HPS5: variants seen among roughly 807,000 people sequenced by gnomAD.
The protein encoded by HPS5 is BLOC-2 complex member HPS5.
HPS5 carries 83 observed loss-of-function variants against 128.0 expected under a neutral mutation model. That is an observed-to-expected ratio of 0.65 (90% confidence interval 0.54 to 0.78). The LOEUF (loss-of-function observed/expected upper bound fraction) is 0.78. Among genes scored for constraint, HPS5 ranks in the 30% least tolerant of loss-of-function variants. The probability of loss-of-function intolerance (pLI) is 0.00; values close to 1 mark genes in which losing one functional copy is unlikely to be tolerated. For synonymous variants in HPS5, 475 were observed against 470.2 expected (o/e 1.01, Z -0.13); for missense variants, 1,281 against 1,326.2 (o/e 0.97, Z 0.53).
At chr11:18,293,389 G>A (rs1216863970) in intron 14 of HPS5, among the ~76,000 whole-genome samples, 1 of 152,116 alleles carries the variant, frequency 6.6e-6, no homozygotes, top group Non-Finnish European at 1.5e-5. Context: ...AGTCAGAATG[G>A]TCCCGATCTC....
rs187662199 is a variant in HPS5, at chr11:18,293,127, T to A, written c.1785-151A>T. ...ACCTCCGCCTCCCGGGTTCAAGCAA[T>A]TCTCCCTGCCTCAGCCTCAGAGCTT... On this transcript the variant is annotated intron_variant, in intron 14 of 22. Transcript: ENST00000349215. The A allele has an allele frequency of 8.5e-6, 6 of 708,272 alleles. No homozygotes were observed. The East Asian group carries it at 1.6e-4, about 19-fold the overall frequency. 43.9% of individuals were successfully genotyped at this position (708,272 alleles called of 1,614,324 possible).
At chr11:18,295,260 T>A in intron 13 of HPS5, 91 bp from the exon 14 acceptor site, 1 of 1,312,790 alleles carries the variant, frequency 7.6e-7, no homozygotes, top group Non-Finnish European at 1.1e-6. Context: ...CCCTAATAAG[T>A]CCTAGGGAGG....
At chr11:18,297,743 T>C (rs1218938245) in intron 10 of HPS5, 26 bp from the exon 11 acceptor site, 8 of 1,589,720 alleles carry the variant, frequency 5.0e-6, no homozygotes, top group Non-Finnish European at 6.9e-6. Context: ...CGCAATGGAA[T>C]AGCTATTTGT....
At chr11:18,313,108 G>A (rs1307333012) in intron 2 of HPS5, among the ~76,000 whole-genome samples, 1 of 152,098 alleles carries the variant, frequency 6.6e-6, no homozygotes, top group Non-Finnish European at 1.5e-5. Flanking sequence ...TACTGGTTAT[G>A]AAACTTTGTT....
At chr11:18,293,774 T>A (rs888788624) in intron 14 of HPS5, among the ~76,000 whole-genome samples, 1 of 152,176 alleles carries the variant, frequency 6.6e-6, no homozygotes, top group Non-Finnish European at 1.5e-5. Flanking sequence ...ATACTCTGGA[T>A]AGAAGACATA....
At chr11:18,309,496 G>C (rs2134461440) in intron 5 of HPS5, among the ~76,000 whole-genome samples, 1 of 151,784 alleles carries the variant, frequency 6.6e-6, no homozygotes, top group East Asian at 1.9e-4. Context: ...GGCAACAGAA[G>C]AAGAACCTGT....
chr11:18,318,007 C>T (rs1564988346), intron 1 of HPS5, 100 bp from the exon 2 acceptor site: 2 of 846,146 alleles, frequency 2.4e-6, no homozygotes, highest in African/African-American at 1.7e-5. Flanking sequence ...GAGAAAGTCC[C>T]CACTATACAG....
chr11:18,312,329 G>A (rs1863111200), intron 2 of HPS5, among the ~76,000 whole-genome samples: 1 of 152,246 alleles, frequency 6.6e-6, no homozygotes, highest in Admixed American at 6.5e-5. Flanking sequence ...ATTTGGCTAG[G>A]TCATTCCAAT....
chr11:18,302,699 G>A (rs1192904162), intron 8 of HPS5, among the ~76,000 whole-genome samples: 1 of 151,612 alleles, frequency 6.6e-6, no homozygotes, highest in Non-Finnish European at 1.5e-5. Context: ...TTGTCAATAT[G>A]AAAGACCAGA....
Position 18,310,943 on chromosome 11 carries a change from T to G in HPS5, c.285-10A>C. 6.2e-7 allele frequency: 1 copy of G among 1,613,554 alleles called. No individual in the cohort carries two copies. The highest frequency in any genetic ancestry group is 1.1e-5 in the South Asian group (1 of 91,068). ...AACCACAAGACCTTGACTGCAAGAA[T>G]TGAGTCACAGAGGCAAACGTGGCAA... On this transcript the variant is annotated splice_polypyrimidine_tract_variant and intron_variant, in intron 4 of 22. Transcript: ENST00000349215.
chr11:18,310,945 G>C lies in HPS5; in HGVS notation c.285-12C>G, dbSNP rs779095756. On this transcript the variant is annotated splice_polypyrimidine_tract_variant and intron_variant, in intron 4 of 22. Coordinates refer to ENST00000349215, the MANE Select transcript of HPS5 (RefSeq NM_181507.2). ...CCACAAGACCTTGACTGCAAGAATTGAGTCACAGAGGCAAACGTGGCAACA... is the reference window on the plus strand; with the variant it reads ...CCACAAGACCTTGACTGCAAGAATTCAGTCACAGAGGCAAACGTGGCAACA... 1 of 1,611,814 alleles carries C rather than the reference G, an allele frequency of 6.2e-7. No homozygotes were observed. Among genetic ancestry groups the C allele is most frequent in the Non-Finnish European group, 8.5e-7 (1 of 1,177,964 alleles).
intron 2 of HPS5, among the ~76,000 whole-genome samples, chr11:18,312,804 A>G (rs1863164028): frequency 6.6e-6 from 1 of 152,242 alleles, no homozygotes; most frequent in African/African-American, 2.4e-5. Flanking sequence ...AGCAGCTAAA[A>G]GCTAACATAT....
At position 18,281,981 on chromosome 11, in the gene HPS5, C is replaced by T. The variant is rs200281681; in HGVS notation, c.3298G>A (p.Asp1100Asn). 27 of 1,614,184 alleles carry T rather than the reference C, an allele frequency of 1.7e-5. No homozygotes were observed. Among genetic ancestry groups the T allele is most frequent in the East Asian group, 6.7e-5 (3 of 44,874 alleles). The part of the protein sequence containing the change: ...ELSEKFTRTC[D>N]ILRIAEKRQR... ...CTTTTCTCAGCAATCCTCAGGATAT[C>T]GCAGGTTCTGGTAAACTTCTCTGAC... Residue 1100 changes from aspartate (D) to asparagine (N), a missense_variant, in exon 22 of 23, where the codon GAT becomes AAT. Physicochemically the swap from Asp to Asn is conservative, Grantham distance 23. Coordinates refer to ENST00000349215, the MANE Select transcript of HPS5 (RefSeq NM_181507.2).
intron 8 of HPS5, among the ~76,000 whole-genome samples, chr11:18,305,132 C>T (rs1450721489): frequency 6.6e-6 from 1 of 152,170 alleles, no homozygotes; most frequent in African/African-American, 2.4e-5. Flanking sequence ...TATAGCATCC[C>T]ATTAGGTAGG....
chr11:18,305,546 A>G, intron 7 of HPS5, 53 bp from the exon 8 acceptor site: 1 of 1,386,582 alleles, frequency 7.2e-7, no homozygotes, highest in Non-Finnish European at 1.0e-6. Context: ...GTATAACATA[A>G]AATTACACTT....
chr11:18,295,961 T>C, intron 13 of HPS5, 38 bp downstream of exon 13: 1 of 1,592,772 alleles, frequency 6.3e-7, no homozygotes, highest in Non-Finnish European at 8.6e-7. Context: ...TGAAATAAGA[T>C]CAGTAATGGA....
intron 14 of HPS5, among the ~76,000 whole-genome samples, chr11:18,294,047 C>T (rs550303565): frequency 6.1e-4 from 93 of 152,282 alleles, no homozygotes; most frequent in African/African-American, 2.0e-3. Flanking sequence ...TGGGTAAGTG[C>T]TGAATTTGTT....
At chr11:18,285,154 A>G (rs1223135304) in intron 20 of HPS5, among the ~76,000 whole-genome samples, 192 bp downstream of exon 20, 4 of 152,028 alleles carry the variant, frequency 2.6e-5, no homozygotes, top group East Asian at 1.9e-4. Context: ...AAAAAAAAAA[A>G]AAAAGAAAAA....
chr11:18,288,976 T>C (rs1226902756), intron 16 of HPS5, among the ~76,000 whole-genome samples: 1 of 151,882 alleles, frequency 6.6e-6, no homozygotes, highest in Non-Finnish European at 1.5e-5. Flanking sequence ...TCTTGCTACA[T>C]TGCATAGGCT....
Sources: allele counts gnomAD v4.1 joint callset (sites outside exome capture counted in the v4.1 genomes callset), GRCh38; gene constraint gnomAD v4.1.1; transcripts MANE v1.5; gene names NCBI Gene and HGNC (gene_info 2026-07-23, HGNC 2026-07-21).